Variants in IGFN1 observed in about 807,000 individuals in gnomAD.
The protein encoded by IGFN1 is immunoglobulin-like and fibronectin type III domain-containing protein 1.
In IGFN1, 253 loss-of-function variants were observed where a neutral mutation model predicts 289.5. That is an observed-to-expected ratio of 0.87 (90% CI 0.79 to 0.97). The LOEUF is 0.97. Among genes scored for constraint, IGFN1 ranks in the 50% least tolerant of loss-of-function variants. IGFN1 has a pLI of 0.00. For synonymous variants in IGFN1, 1,706 were observed against 1,788.5 expected (o/e 0.95, Z 1.16); for missense variants, 4,470 against 4,686.1 (o/e 0.95, Z 1.35).
rs1667063039 is a variant in IGFN1 at position 201,199,655 on chromosome 1, G to A, written c.458+1G>A. 6.4e-7 allele frequency: 1 copy of A among 1,551,260 alleles called. No individual in the cohort carries two copies. Among genetic ancestry groups the A allele is most frequent in the African/African-American group, 1.4e-5 (1 of 73,058 alleles). Reference sequence around the variant, plus strand: ...ACTTCCGGAAGTTGCTGAAAAAGAGGTGGGTTTGGGCCTGTCCATGAGGGA... The same window carrying A: ...ACTTCCGGAAGTTGCTGAAAAAGAGATGGGTTTGGGCCTGTCCATGAGGGA... On this transcript the variant is annotated splice_donor_variant, in intron 7 of 23. Coordinates refer to ENST00000335211, the MANE Select transcript of IGFN1 (RefSeq NM_001164586.2). LOFTEE classifies it high-confidence loss of function.
Position 201,211,249 on chromosome 1 carries a change from G to T in IGFN1, c.6356G>T (p.Gly2119Val). 1.3e-6 allele frequency: 2 copies of T among 1,532,498 alleles called. No homozygotes were observed. The highest frequency in any genetic ancestry group is 1.7e-6 in the Non-Finnish European group (2 of 1,144,838). The allele number at this position is 1,532,498 out of a possible 1,614,324, so 94.9% of individuals were successfully genotyped here. The change falls in exon 12 of 24, where the codon GGA becomes GTA. Residue 2119 changes from glycine (G) to valine (V), a missense_variant. By Grantham distance (109) the Gly-to-Val change is moderately radical. Around this residue, in one of 8 missense-constraint regions of IGFN1, gnomAD observed 2,218 missense variants for 2,114.1 expected, o/e 1.05. Transcript: ENST00000335211. ...GGGGCTCCTGAGGGAATAGGTTCAG[G>T]AAGTAAGGCAGGTTTTAGGGATGGT... ...DLGAPEGIGS[G>V]SKAGFRDGLG...
rs759555970 is a variant in IGFN1 at position 201,226,939 on chromosome 1, G to T, written c.10844G>T (p.Arg3615Leu). 1.2e-6 allele frequency: 2 copies of T among 1,611,178 alleles called. No individual in the cohort carries two copies. The highest frequency in any genetic ancestry group is 1.3e-5 in the African/African-American group (1 of 74,888). The change falls in exon 23 of 24, where the codon CGG becomes CTG. Residue 3615 changes from arginine to leucine, a missense_variant. Transcript: ENST00000335211. ...YREPDLSQKP[R>L]FLVGLRSHLL... is the part of the protein sequence containing the mutation. ...GAGCCCGACCTGAGCCAGAAGCCCCGGTTCCTGGTGGGCCTGCGGTCCCAC... is the reference window on the plus strand; with the variant it reads ...GAGCCCGACCTGAGCCAGAAGCCCCTGTTCCTGGTGGGCCTGCGGTCCCAC...
rs988646440 is a variant in IGFN1 at position 201,208,031 on chromosome 1, T to C, written c.3138T>C (p.Pro1046=). The part of the protein sequence containing the change: ...VASLKNGSGG[P]DGAPMNDTRN... ...GTCTTAAAAATGGCTCAGGTGGTCC[T>C]GATGGAGCACCCATGAATGACACCA... The change falls in exon 12 of 24, where the codon CCT becomes CCC. Residue 1046 remains proline (P), a synonymous_variant. Transcript: ENST00000335211. 18 of 1,536,774 alleles carry C rather than the reference T, an allele frequency of 1.2e-5. No individual in the cohort carries two copies. The highest frequency in any genetic ancestry group is 2.0e-5 in the Admixed American group (1 of 50,970).
rs1666788440 is a variant in IGFN1, at chr1:201,194,258, T to C, written c.112T>C (p.Ser38Pro). The change falls in exon 3 of 24, where the codon TCG becomes CCG. Residue 38 changes from serine to proline, a missense_variant. By Grantham distance (74) the Ser-to-Pro change is moderately conservative. Transcript: ENST00000335211. The stretch of plus-strand genomic sequence containing the variant: ...GGACTTTGAGCAGAAGCCCGTCACC[T>C]CGGCTCTGCCAGAGGGTGAGCCCAG... ...TPDFEQKPVT[S>P]ALPEGKNAVF... is the part of the protein sequence containing the mutation. 2 of 1,551,440 alleles carry C rather than the reference T, an allele frequency of 1.3e-6. No individual in the cohort carries two copies. Among genetic ancestry groups the C allele is most frequent in the Non-Finnish European group, 1.7e-6 (2 of 1,146,890 alleles).
At chr1:201,196,142 A>C (rs1206289850) in intron 4 of IGFN1, among the ~76,000 whole-genome samples, 164 bp downstream of exon 4, 3 of 152,202 alleles carry the variant, frequency 2.0e-5, no homozygotes, top group Non-Finnish European at 4.4e-5. Context: ...TGAGCCAAGA[A>C]TGGATCTGGC....
In IGFN1 at chr1:201,206,145, C is replaced by A. The variant is rs750021209; in HGVS notation, c.1252C>A (p.Gln418Lys). ...ADHKLQRQGA[Q>K]ASGAEESGSI... is the part of the protein sequence containing the mutation. Reference sequence around the variant, plus strand: ...CCACAAACTGCAGAGGCAAGGAGCCCAGGCATCAGGAGCAGAAGAGTCTGG... The same window carrying A: ...CCACAAACTGCAGAGGCAAGGAGCCAAGGCATCAGGAGCAGAAGAGTCTGG... The change falls in exon 12 of 24, where the codon CAG becomes AAG. Residue 418 changes from glutamine (Q) to lysine (K), a missense_variant. Physicochemically the swap from Gln to Lys is moderately conservative, Grantham distance 53. Coordinates refer to ENST00000335211, the MANE Select transcript of IGFN1 (RefSeq NM_001164586.2). 31 of 1,550,808 alleles carry A rather than the reference C, an allele frequency of 2.0e-5. No homozygotes were observed. In the South Asian group the frequency reaches 3.2e-4, roughly 16 times the overall value.
In IGFN1 at chr1:201,213,107, G is replaced by A. The variant is rs752820842; in HGVS notation, c.8214G>A (p.Trp2738Ter). The A allele has an allele frequency of 5.2e-6, 8 of 1,551,520 alleles. No homozygotes were observed. In the African/African-American group the frequency reaches 8.2e-5, roughly 16 times the overall value. Residue 2738 changes from tryptophan (W) to a stop codon, truncating the protein, a stop_gained, in exon 12 of 24, where the codon TGG becomes TGA. Coordinates refer to ENST00000335211, the MANE Select transcript of IGFN1 (RefSeq NM_001164586.2). LOFTEE classifies it high-confidence loss of function. ...GGGAGTCCGGACCTCAGGGAGCCTG[G>A]AATGGCTTAGATGGTCCCTTTGGCA... ...KPGESGPQGAWNGLDGPFGRK... is the reference protein window; with the variant it reads ...KPGESGPQGA
At chr1:201,191,828 A>G (rs1025409866) in intron 1 of IGFN1, among the ~76,000 whole-genome samples, 1 of 152,188 alleles carries the variant, frequency 6.6e-6, no homozygotes, top group African/African-American at 2.4e-5. Context: ...ATGTGTGACC[A>G]ATAGCTGAGT....
In IGFN1 at chr1:201,199,500, G is replaced by A. The variant is rs12090630; in HGVS notation, c.413-109G>A. On this transcript the variant is annotated intron_variant, in intron 6 of 23. Transcript: ENST00000335211. ...TGTGGATCACCACCAGTCTTCAAGA[G>A]AGCCCCTTCCAAAGGCTCAGTTGTC... The A allele has an allele frequency of 2.0e-3, 2,851 of 1,408,396 alleles. 60 individuals carry two copies. The African/African-American group carries it at 0.036, about 18-fold the overall frequency. The allele number at this position is 1,408,396 out of a possible 1,614,324, so 87.2% of individuals were successfully genotyped here.
intron 17 of IGFN1, 72 bp from the exon 18 acceptor site, chr1:201,218,458 T>C: frequency 1.3e-6 from 2 of 1,516,282 alleles, no homozygotes; most frequent in Non-Finnish European, 1.8e-6. Flanking sequence ...CTTCAGAACT[T>C]GGAGGCACCC....
Position 201,206,105 on chromosome 1 carries a change from G to A in IGFN1, c.1212G>A (p.Gln404=). 1 of 1,550,552 alleles carries A rather than the reference G, an allele frequency of 6.4e-7. No homozygotes were observed. The highest frequency in any genetic ancestry group is 2.4e-5 in the East Asian group (1 of 40,928). The part of the protein sequence containing the change: ...VVEAGKDKDL[Q]STSADHKLQR... The stretch of plus-strand genomic sequence containing the variant: ...AAGCTGGGAAGGATAAAGACCTTCA[G>A]TCCACAAGTGCTGACCACAAACTGC... The change falls in exon 12 of 24, where the codon CAG becomes CAA. Residue 404 remains glutamine, a synonymous_variant. Coordinates refer to ENST00000335211, the MANE Select transcript of IGFN1 (RefSeq NM_001164586.2).
chr1:201,228,463 C>A lies in IGFN1; in HGVS notation c.*64C>A. ...TTCACTTCCGACACCTGCACTGGCCCGGGAAGCCAATCCCAAGGATGGAGG... is the reference window on the plus strand; with the variant it reads ...TTCACTTCCGACACCTGCACTGGCCAGGGAAGCCAATCCCAAGGATGGAGG... On this transcript the variant is annotated 3_prime_UTR_variant, in exon 24 of 24. Transcript: ENST00000335211. 1.3e-6 allele frequency: 2 copies of A among 1,546,516 alleles called. No individual in the cohort carries two copies. The highest frequency in any genetic ancestry group is 1.8e-6 in the Non-Finnish European group (2 of 1,118,282).
Position 201,216,714 on chromosome 1 carries a change from G to A in IGFN1, c.9556G>A (p.Glu3186Lys), listed in dbSNP as rs143611839. 6.6e-4 allele frequency: 1,057 copies of A among 1,612,992 alleles called. 2 individuals carry two copies. Among genetic ancestry groups the A allele is most frequent in the Non-Finnish European group, 8.0e-4 (938 of 1,179,504 alleles). The change falls in exon 16 of 24, where the codon GAG becomes AAG. Residue 3186 changes from glutamate (E) to lysine (K), a missense_variant. Physicochemically the swap from Glu to Lys is moderately conservative, Grantham distance 56. This residue lies in a region of IGFN1 where 2,218 missense variants were observed against 2,114.1 expected (regional missense o/e 1.05). Transcript: ENST00000335211. ...VRAVTSEGAG[E>K]ALESEEILVA... ...GGCTGTGACCTCAGAGGGGGCTGGCGAGGCCCTGGAGTCTGAGGAGATATT... is the reference window on the plus strand; with the variant it reads ...GGCTGTGACCTCAGAGGGGGCTGGCAAGGCCCTGGAGTCTGAGGAGATATT...
At position 201,211,782 on chromosome 1, in the gene IGFN1, C is replaced by G; in HGVS notation, c.6889C>G (p.Pro2297Ala). 2 of 1,536,602 alleles carry G rather than the reference C, an allele frequency of 1.3e-6. No individual in the cohort carries two copies. The highest frequency in any genetic ancestry group is 1.4e-5 in the African/African-American group (1 of 73,012). Residue 2297 changes from proline (P) to alanine (A), a missense_variant, in exon 12 of 24, where the codon CCA becomes GCA. Physicochemically the swap from Pro to Ala is conservative, Grantham distance 27. Coordinates refer to ENST00000335211, the MANE Select transcript of IGFN1 (RefSeq NM_001164586.2). ...TGTTTTAGGGGGTTCTGGGAGGAAT[C>G]CATTAGGGAGCGAGGCAGGTTCTAG... ...KNVLGGSGRN[P>A]LGSEAGSRGS...
chr1:201,226,266 C>T, intron 22 of IGFN1, 143 bp downstream of exon 22: 2 of 965,588 alleles, frequency 2.1e-6, no homozygotes, highest in Non-Finnish European at 2.9e-6. Context: ...AGCCAGCAGC[C>T]CCGAGCTGCT....
chr1:201,224,953 A>G (rs1653983807), intron 21 of IGFN1, 79 bp downstream of exon 21: 2 of 1,072,286 alleles, frequency 1.9e-6, no homozygotes. Flanking sequence ...TGGTCTGATC[A>G]TAGGTCTCAG....
chr1:201,216,756 G>C lies in IGFN1; in HGVS notation c.9595+3G>C, dbSNP rs2102358314. 6.3e-7 allele frequency: 1 copy of C among 1,594,028 alleles called. No individual in the cohort carries two copies. The highest frequency in any genetic ancestry group is 8.6e-7 in the Non-Finnish European group (1 of 1,168,588). On this transcript the variant is annotated splice_donor_region_variant and intron_variant, in intron 16 of 23. Transcript: ENST00000335211. ...GGAGATATTGGTGGCTCCTGAGGGT[G>C]AGAGAAAAGGCTGGGGCTGGGGGTG... is the stretch of plus-strand genomic sequence containing the variant.
At position 201,221,537 on chromosome 1, in the gene IGFN1, A is replaced by T. The variant is rs1653725695; in HGVS notation, c.9992A>T (p.Asp3331Val). ...SWAGPDTQEG[D>V]EAQGYVVELC... Reference sequence around the variant, plus strand: ...GCTGGGCCAGACACCCAGGAAGGGGATGAAGCCCAGGGGTATGTGGTGGAG... The same window carrying T: ...GCTGGGCCAGACACCCAGGAAGGGGTTGAAGCCCAGGGGTATGTGGTGGAG... The change falls in exon 19 of 24, where the codon GAT becomes GTT. Residue 3331 changes from aspartate (D) to valine (V), a missense_variant. Asp to Val is a radical substitution (Grantham distance 152). Coordinates refer to ENST00000335211, the MANE Select transcript of IGFN1 (RefSeq NM_001164586.2). 3 of 1,614,126 alleles carry T rather than the reference A, an allele frequency of 1.9e-6. No homozygotes were observed. Among genetic ancestry groups the T allele is most frequent in the Non-Finnish European group, 2.5e-6 (3 of 1,179,988 alleles).
chr1:201,217,107 G>A (rs560005317), intron 16 of IGFN1, among the ~76,000 whole-genome samples, 180 bp from the exon 17 acceptor site: 69 of 152,218 alleles, frequency 4.5e-4, no homozygotes, highest in African/African-American at 1.4e-3. Context: ...CTGTCCTTTC[G>A]TTCCTTCCCT....
Sources: allele counts gnomAD v4.1 joint callset (sites outside exome capture counted in the v4.1 genomes callset), GRCh38; gene constraint gnomAD v4.1.1; regional missense constraint gnomAD v4.1.1; transcripts MANE v1.5; gene names NCBI Gene and HGNC (gene_info 2026-07-23, HGNC 2026-07-21).